ZNF540: variants seen among roughly 807,000 people sequenced by gnomAD.
ZNF540 encodes the protein zinc finger protein 540.
A neutral mutation model predicts 11.8 loss-of-function variants in ZNF540; 3 were observed. The ratio of observed to expected loss-of-function variants is 0.25; its 90% confidence interval spans 0.12 to 0.65. ZNF540 has a LOEUF of 0.65. Among genes scored for constraint, ZNF540 ranks in the 30% least tolerant of loss-of-function variants. The probability of loss-of-function intolerance (pLI) is 0.83; values close to 1 mark genes in which losing one functional copy is unlikely to be tolerated. For synonymous variants in ZNF540, 247 were observed against 259.0 expected (o/e 0.95, Z 0.45); for missense variants, 709 against 793.1 (o/e 0.89, Z 1.27).
chr19:37,582,551 G>C (rs1489453451), intron 1 of ZNF540, among the ~76,000 whole-genome samples: 3 of 152,138 alleles, frequency 2.0e-5, no homozygotes, highest in Non-Finnish European at 4.4e-5. Flanking sequence ...CCTCGGTACA[G>C]AGAGTAATCC....
At chr19:37,607,768 C>A (rs1414528059) in intron 4 of ZNF540, among the ~76,000 whole-genome samples, 2 of 152,102 alleles carry the variant, frequency 1.3e-5, no homozygotes, top group Non-Finnish European at 2.9e-5. Flanking sequence ...CTGCTATATG[C>A]ATTTGTGTGC....
At chr19:37,587,344 C>T (rs1038076350) in intron 1 of ZNF540, 1 of 152,232 alleles carries the variant, frequency 6.6e-6, no homozygotes, top group African/African-American at 2.4e-5. Context: ...TCATTCCTTA[C>T]CAAAGTCTGG....
intron 1 of ZNF540, chr19:37,564,335 C>T (rs2042772165): frequency 3.2e-6 from 1 of 308,182 alleles, no homozygotes; most frequent in Non-Finnish European, 5.9e-6. Flanking sequence ...TAGAAAAGAA[C>T]ACACAAGAAA....
At chr19:37,561,900 A>C (rs908592619) in intron 1 of ZNF540, among the ~76,000 whole-genome samples, 1 of 152,246 alleles carries the variant, frequency 6.6e-6, no homozygotes, top group Non-Finnish European at 1.5e-5. Context: ...TTAGAGACGA[A>C]GAATGCATGA....
chr19:37,604,370 C>G (rs1252993706), intron 4 of ZNF540, among the ~76,000 whole-genome samples: 7 of 128,668 alleles, frequency 5.4e-5, no homozygotes, highest in Non-Finnish European at 1.6e-5. Flanking sequence ...TGCAGTGGTG[C>G]GATCTCGGCT....
At chr19:37,584,198 A>T in intron 1 of ZNF540, 2 of 1,556,496 alleles carry the variant, frequency 1.3e-6, no homozygotes, top group Non-Finnish European at 1.7e-6. Flanking sequence ...AGTAACACAA[A>T]ACAACAGGAA....
At chr19:37,595,911 C>A (rs1378645552) in intron 1 of ZNF540, among the ~76,000 whole-genome samples, 1 of 152,056 alleles carries the variant, frequency 6.6e-6, no homozygotes, top group Non-Finnish European at 1.5e-5. Flanking sequence ...CATTAATTTG[C>A]CTTCAAGATT....
intron 1 of ZNF540, chr19:37,560,877 T>C (rs934469108): frequency 1.0e-4 from 15 of 150,540 alleles, no homozygotes; most frequent in African/African-American, 2.4e-5. Flanking sequence ...GCTGAAAGAG[T>C]TAACAGTTAT....
chr19:37,554,537 A>T (rs998332426), intron 1 of ZNF540, among the ~76,000 whole-genome samples: 2 of 151,918 alleles, frequency 1.3e-5, no homozygotes, highest in African/African-American at 4.8e-5. Context: ...TTCCTTTACC[A>T]CTAGTTTTCA....
At chr19:37,611,407 T>C in intron 4 of ZNF540, 106 bp from the exon 5 acceptor site, 1 of 841,468 alleles carries the variant, frequency 1.2e-6, no homozygotes, top group Non-Finnish European at 1.8e-6. Context: ...GCCACTGACT[T>C]CTAGTAAGAA....
At chr19:37,601,178 C>A in intron 4 of ZNF540, 73 bp downstream of exon 4, 1 of 1,277,324 alleles carries the variant, frequency 7.8e-7, no homozygotes, top group Non-Finnish European at 1.1e-6. Flanking sequence ...GGAGCATATA[C>A]AGGCTTTGCA....
intron 1 of ZNF540, among the ~76,000 whole-genome samples, chr19:37,561,758 A>G (rs1014402395): frequency 6.6e-6 from 1 of 152,250 alleles, no homozygotes; most frequent in Non-Finnish European, 1.5e-5. Flanking sequence ...GTTTGATGGT[A>G]GAAGGGCACC....
upstream of ZNF540, among the ~76,000 whole-genome samples, chr19:37,591,168 C>T (rs2043857793): frequency 6.6e-6 from 1 of 152,094 alleles, no homozygotes; most frequent in South Asian, 2.1e-4. Flanking sequence ...ACTCTAATGC[C>T]CAGACAGTGG....
intron 1 of ZNF540, among the ~76,000 whole-genome samples, chr19:37,568,831 G>A (rs1209875117): frequency 1.3e-5 from 2 of 152,092 alleles, no homozygotes; most frequent in Non-Finnish European, 2.9e-5. Flanking sequence ...GTCTGAAAAG[G>A]AGGAGTCATT....
rs1315277277 is a variant in ZNF540 at position 37,565,854 on chromosome 19, C to T, written c.-73+14189C>T. On this transcript the variant is annotated intron_variant, in intron 1 of 4. Transcript: ENST00000592533. ...CATTCCATACACTCATAAGGTTTCT[C>T]ACCAGTCTGAATTCTCTGATGTTGA... 6.2e-7 allele frequency: 1 copy of T among 1,613,900 alleles called. No individual in the cohort carries two copies. The highest frequency in any genetic ancestry group is 8.5e-7 in the Non-Finnish European group (1 of 1,179,874).
In ZNF540 at chr19:37,586,824, C is replaced by G. The variant is rs370705228; in HGVS notation, c.-72-11552C>G. On this transcript the variant is annotated intron_variant, in intron 1 of 4. Coordinates refer to the ZNF540 transcript ENST00000592533. ...AAACTACTTAGAACTACCTTTACTT[C>G]TCCTCTTTTGGGAATTTGGAAAAAA... The G allele has an allele frequency of 2.7e-4, 220 of 823,558 alleles. 3 individuals are homozygous for G. The Middle Eastern group carries it at 5.6e-3, about 21-fold the overall frequency. 51.0% of individuals were successfully genotyped at this position (823,558 alleles called of 1,614,324 possible).
intron 1 of ZNF540, chr19:37,564,915 T>TA: frequency 6.2e-7 from 1 of 1,614,066 alleles, no homozygotes; most frequent in Non-Finnish European, 8.5e-7. Context: ...TCACATTCCT[T>TA]ACATTTGTAG....
chr19:37,556,864 TAAGAGTGTTTTTTAG>T (rs2042665466), intron 1 of ZNF540, among the ~76,000 whole-genome samples: 1 of 152,152 alleles, frequency 6.6e-6, no homozygotes, highest in Non-Finnish European at 1.5e-5. Context: ...ATTAATTTTG[TAAGAGTGTTTTTTAG>T]GGTGTGGTTC....
chr19:37,590,237 T>C (rs544000232), upstream of ZNF540, among the ~76,000 whole-genome samples: 4 of 151,386 alleles, frequency 2.6e-5, no homozygotes, highest in South Asian at 4.2e-4. Context: ...AAACCCTGTC[T>C]CTAGTAAAAA....
Sources: allele counts gnomAD v4.1 joint callset (sites outside exome capture counted in the v4.1 genomes callset), GRCh38; gene constraint gnomAD v4.1.1; transcripts MANE v1.5; gene names NCBI Gene and HGNC (gene_info 2026-07-23, HGNC 2026-07-21).